SPAG16: variants seen among roughly 807,000 people sequenced by gnomAD.
SPAG16 encodes the protein sperm associated antigen 16.
SPAG16 carries 86 observed loss-of-function variants against 80.4 expected under a neutral mutation model. That is an observed-to-expected ratio of 1.07 (90% CI 0.90 to 1.28). The LOEUF (loss-of-function observed/expected upper bound fraction) is 1.28, where lower values mean the gene tolerates loss of function less well. Ranked by LOEUF, SPAG16 falls within the 50% of genes most tolerant of loss-of-function variation. SPAG16 has a pLI of 0.00. For missense variants in SPAG16, 870 were observed against 765.3 expected (o/e 1.14, Z -1.61); for synonymous variants, 294 against 265.9 (o/e 1.11, Z -1.03).
chr2:213,299,011 A>G (rs1354255913), intron 3 of SPAG16, among the ~76,000 whole-genome samples: 7 of 152,090 alleles, frequency 4.6e-5, no homozygotes, highest in Non-Finnish European at 1.0e-4. Flanking sequence ...GAATTGTGCT[A>G]TGGGCTTTCT....
intron 13 of SPAG16, among the ~76,000 whole-genome samples, chr2:214,095,507 T>G (rs2052530994): frequency 6.6e-6 from 1 of 152,130 alleles, no homozygotes; most frequent in Admixed American, 6.6e-5. Context: ...TATTTGACAC[T>G]TAGTTAATTT....
intron 15 of SPAG16, among the ~76,000 whole-genome samples, chr2:214,208,534 A>G (rs942264340): frequency 1.3e-5 from 2 of 152,150 alleles, no homozygotes; most frequent in Non-Finnish European, 2.9e-5. Flanking sequence ...ATGAGCCCAG[A>G]AAACATATCA....
At chr2:213,777,741 T>A (rs1442467768) in intron 10 of SPAG16, among the ~76,000 whole-genome samples, 1 of 152,106 alleles carries the variant, frequency 6.6e-6, no homozygotes, top group African/African-American at 2.4e-5. Flanking sequence ...TTCACCGTGT[T>A]GGCCAGGCTG....
At chr2:214,008,425 T>C (rs1388226257) in intron 12 of SPAG16, among the ~76,000 whole-genome samples, 2 of 151,954 alleles carry the variant, frequency 1.3e-5, no homozygotes, top group Non-Finnish European at 2.9e-5. Flanking sequence ...TCCACTTATG[T>C]ACATATGTAG....
At chr2:213,951,479 T>C (rs986635867) in intron 12 of SPAG16, among the ~76,000 whole-genome samples, 3 of 152,154 alleles carry the variant, frequency 2.0e-5, no homozygotes, top group African/African-American at 7.2e-5. Context: ...CCATGATTTC[T>C]CCTGTTCTCA....
chr2:213,443,606 T>C (rs2071118787), intron 9 of SPAG16, among the ~76,000 whole-genome samples: 1 of 152,220 alleles, frequency 6.6e-6, no homozygotes, highest in Non-Finnish European at 1.5e-5. Flanking sequence ...AATGCTGAAA[T>C]GAATATGGGA....
intron 11 of SPAG16, among the ~76,000 whole-genome samples, chr2:213,912,340 C>T (rs898138358): frequency 7.3e-5 from 11 of 151,708 alleles, no homozygotes; most frequent in African/African-American, 2.2e-4. Flanking sequence ...TTTTCTTGTA[C>T]GTATCTATAT....
At chr2:214,040,965 C>T (rs1202398778) in intron 13 of SPAG16, among the ~76,000 whole-genome samples, 2 of 151,974 alleles carry the variant, frequency 1.3e-5, no homozygotes, top group African/African-American at 2.4e-5. Context: ...TTGGAGACTC[C>T]AGTTATAGTA....
chr2:214,255,831 A>G (rs927988366), intron 15 of SPAG16, among the ~76,000 whole-genome samples: 5 of 152,042 alleles, frequency 3.3e-5, no homozygotes, highest in Admixed American at 6.6e-5. Context: ...ATTCTATTAT[A>G]TGAATATATT....
chr2:213,804,547 G>T (rs749592659), intron 10 of SPAG16, among the ~76,000 whole-genome samples: 4 of 152,178 alleles, frequency 2.6e-5, no homozygotes, highest in Non-Finnish European at 5.9e-5. Flanking sequence ...GTTGGGCGTG[G>T]TGGCAGGCGC....
intron 15 of SPAG16, among the ~76,000 whole-genome samples, chr2:214,381,240 G>A (rs554877439): frequency 3.3e-5 from 5 of 152,090 alleles, no homozygotes; most frequent in Admixed American, 6.6e-5. Flanking sequence ...TAGTTCTTAC[G>A]AAGAAAACAC....
intron 10 of SPAG16, among the ~76,000 whole-genome samples, chr2:213,843,126 A>C (rs1361171267): frequency 6.6e-6 from 1 of 150,840 alleles, no homozygotes. Flanking sequence ...TTTTTTTTTT[A>C]ATTATACTTT....
Position 214,120,682 on chromosome 2 carries a change from G to A in SPAG16, c.1593+12421G>A, listed in dbSNP as rs184149948. On this transcript the variant is annotated intron_variant, in intron 14 of 15. Coordinates refer to ENST00000331683, the MANE Select transcript of SPAG16 (RefSeq NM_024532.5). ...GCCCTGAGAAATAAAATATCCACAG[G>A]CACCGCTTCTCAATCTACTGTGCTG... Among the ~76,000 whole-genome samples the A allele has an allele frequency of 5.1e-4, 77 of 151,798 alleles. 1 individual carries two copies. In the East Asian group the frequency reaches 0.013, roughly 25 times the overall value.
intron 10 of SPAG16, among the ~76,000 whole-genome samples, chr2:213,808,810 G>C (rs749083080): frequency 1.3e-5 from 2 of 152,186 alleles, no homozygotes; most frequent in African/African-American, 2.4e-5. Flanking sequence ...ATACAGAAAA[G>C]TGTCTAATGA....
intron 14 of SPAG16, among the ~76,000 whole-genome samples, chr2:214,132,389 C>G (rs1466331451): frequency 1.3e-5 from 2 of 152,106 alleles, no homozygotes; most frequent in African/African-American, 2.4e-5. Context: ...AGATTTTTAA[C>G]TAATTAAAAA....
chr2:213,987,060 G>A (rs1040272139), intron 12 of SPAG16, among the ~76,000 whole-genome samples: 3 of 152,020 alleles, frequency 2.0e-5, no homozygotes, highest in Non-Finnish European at 2.9e-5. Flanking sequence ...TCCCAGTAGG[G>A]AAAATAGAAG....
intron 12 of SPAG16, among the ~76,000 whole-genome samples, chr2:213,987,281 G>A (rs1283185616): frequency 1.3e-5 from 2 of 152,010 alleles, no homozygotes; most frequent in African/African-American, 4.8e-5. Flanking sequence ...AATACCTACT[G>A]CCTGCCTACC....
At chr2:213,386,565 A>G (rs576232440) in intron 9 of SPAG16, among the ~76,000 whole-genome samples, 1 of 152,310 alleles carries the variant, frequency 6.6e-6, no homozygotes, top group African/African-American at 2.4e-5. Context: ...TCTTCCTTAG[A>G]CAATTGTATA....
intron 10 of SPAG16, among the ~76,000 whole-genome samples, chr2:213,741,638 T>C (rs1312966915): frequency 1.3e-5 from 2 of 152,158 alleles, no homozygotes; most frequent in East Asian, 1.9e-4. Context: ...CAAACTAAAA[T>C]TGAATGTTTC....
Sources: gnomAD v4.1 joint callset for allele counts (sites outside exome capture counted in the v4.1 genomes callset) on GRCh38, gnomAD v4.1.1 for gene constraint, MANE v1.5 for transcripts, NCBI Gene and HGNC (gene_info 2026-07-23, HGNC 2026-07-21) for gene names.